The following MYO5B variants were observed in gnomAD, a reference collection of about 807,000 sequenced individuals.
MYO5B encodes unconventional myosin-Vb.
In MYO5B, 143 loss-of-function variants were observed where a neutral mutation model predicts 229.3. The ratio of observed to expected loss-of-function variants is 0.62; its 90% confidence interval spans 0.54 to 0.72. MYO5B has a LOEUF of 0.72. Among genes scored for constraint, MYO5B ranks in the 30% least tolerant of loss-of-function variants. The pLI, the probability that MYO5B is intolerant of heterozygous loss-of-function variation, is 0.00. For synonymous variants in MYO5B, 918 were observed against 885.2 expected (o/e 1.04, Z -0.66); for missense variants, 2,321 against 2,331.0 (o/e 1.00, Z 0.09).
rs958856415 is a variant in MYO5B, at chr18:50,195,011, G to A, written c.-218C>T. On this transcript the variant is annotated 5_prime_UTR_variant, in exon 1 of 40. Coordinates refer to ENST00000285039, the MANE Select transcript of MYO5B (RefSeq NM_001080467.3). ...CCGCCGCGGCGGCGCAGCTACGGCC[G>A]GACAGGAGTTGCGAGCGCCGGGGGA... 2 of 546,844 alleles carry A rather than the reference G, an allele frequency of 3.7e-6. No individual in the cohort carries two copies. Among genetic ancestry groups the A allele is most frequent in the Non-Finnish European group, 5.4e-6 (2 of 373,772 alleles). 33.9% of individuals were successfully genotyped at this position (546,844 alleles called of 1,614,324 possible).
At chr18:50,124,434 A>G (rs1461936692) in intron 1 of MYO5B, among the ~76,000 whole-genome samples, 1 of 152,166 alleles carries the variant, frequency 6.6e-6, no homozygotes, top group African/African-American at 2.4e-5. Flanking sequence ...GGGTAGCGGC[A>G]TTCCTATTAT....
At chr18:49,854,513 T>C (rs1322870893) in intron 30 of MYO5B, among the ~76,000 whole-genome samples, 1 of 152,230 alleles carries the variant, frequency 6.6e-6, no homozygotes, top group African/African-American at 2.4e-5. Context: ...TTCTTGGACT[T>C]AGTTACTTAA....
intron 2 of MYO5B, among the ~76,000 whole-genome samples, chr18:50,050,918 C>T (rs1397842862): frequency 6.6e-6 from 1 of 152,208 alleles, no homozygotes; most frequent in Non-Finnish European, 1.5e-5. Context: ...GCATCCAAGT[C>T]CTTGCTTCTC....
At chr18:50,002,115 G>T (rs961537202) in intron 4 of MYO5B, among the ~76,000 whole-genome samples, 1 of 150,656 alleles carries the variant, frequency 6.6e-6, no homozygotes, top group Non-Finnish European at 1.5e-5. Flanking sequence ...TTCCCATCTT[G>T]TGTCACTGTA....
At chr18:49,888,458 C>G (rs1555640294) in intron 22 of MYO5B, among the ~76,000 whole-genome samples, 2 of 152,084 alleles carry the variant, frequency 1.3e-5, no homozygotes, top group Non-Finnish European at 2.9e-5. Context: ...ATGTCTCAGG[C>G]AGCTGAGGGC....
intron 31 of MYO5B, among the ~76,000 whole-genome samples, chr18:49,851,538 T>C (rs1213304886): frequency 6.6e-6 from 1 of 152,214 alleles, no homozygotes; most frequent in Non-Finnish European, 1.5e-5. Context: ...CCCAAAGTCC[T>C]AAAGCCTAAA....
chr18:49,951,472 C>A (rs375351498), intron 14 of MYO5B, among the ~76,000 whole-genome samples: 1 of 152,080 alleles, frequency 6.6e-6, no homozygotes, highest in South Asian at 2.1e-4. Context: ...CCACTATATA[C>A]TACACAAATA....
intron 1 of MYO5B, among the ~76,000 whole-genome samples, chr18:50,082,687 G>C (rs1349474396): frequency 6.6e-6 from 1 of 152,144 alleles, no homozygotes; most frequent in Non-Finnish European, 1.5e-5. Context: ...CCTCCTAGGA[G>C]CTAAGACCAT....
chr18:50,176,480 G>C (rs955866343), intron 1 of MYO5B, among the ~76,000 whole-genome samples: 5 of 152,154 alleles, frequency 3.3e-5, no homozygotes, highest in Non-Finnish European at 2.9e-5. Flanking sequence ...ATGCATCCAT[G>C]AGCCAGATGT....
At position 50,036,787 on chromosome 18, in the gene MYO5B, T is replaced by C. The variant is rs73444770; in HGVS notation, c.455+63A>G. On this transcript the variant is annotated intron_variant, in intron 4 of 39. Coordinates refer to ENST00000285039, the MANE Select transcript of MYO5B (RefSeq NM_001080467.3). ...TGTGAGCATCAGTTGCAGAGGAAGGTAAAAACTCCCCTTCCTGCCCACTGA... is the reference window on the plus strand; with the variant it reads ...TGTGAGCATCAGTTGCAGAGGAAGGCAAAAACTCCCCTTCCTGCCCACTGA... 2,830 of 1,589,876 alleles carry C rather than the reference T, an allele frequency of 1.8e-3. 43 individuals carry two copies. In the African/African-American group the frequency reaches 0.033, roughly 19 times the overall value.
At chr18:50,030,843 A>C (rs2144372942) in intron 4 of MYO5B, among the ~76,000 whole-genome samples, 1 of 120,206 alleles carries the variant, frequency 8.3e-6, no homozygotes, top group African/African-American at 3.1e-5. Context: ...CTGAGCAAAT[A>C]AATTTGCTCT....
chr18:49,847,333 T>C (rs2024142378), intron 32 of MYO5B, 44 bp from the exon 33 acceptor site: 1 of 1,602,594 alleles, frequency 6.2e-7, no homozygotes, highest in Non-Finnish European at 8.5e-7. Flanking sequence ...GACTTCCAGC[T>C]GCAGGCCTGA....
rs571313956 is a variant in MYO5B, at chr18:49,968,611, A to C, written c.1323-5581T>G. ...GGCCCCCCAATAAACTTGTTTCTAG[A>C]GGCCTGGGGAGTTTCTTCAGACCCA... On this transcript the variant is annotated intron_variant, in intron 10 of 39. Coordinates refer to ENST00000285039, the MANE Select transcript of MYO5B (RefSeq NM_001080467.3). Among the ~76,000 whole-genome samples the C allele has an allele frequency of 3.6e-3, 551 of 152,216 alleles. 2 individuals carry two copies. Among genetic ancestry groups the C allele is most frequent in the African/African-American group, 0.013 (522 of 41,544 alleles).
In MYO5B at chr18:50,173,867, A is replaced by G. The variant is rs897435133; in HGVS notation, c.27+20900T>C. Among the ~76,000 whole-genome samples, 4 of 152,220 alleles carry G rather than the reference A, an allele frequency of 2.6e-5. No homozygotes were observed. In the East Asian group the frequency reaches 7.7e-4, roughly 29 times the overall value. On this transcript the variant is annotated intron_variant, in intron 1 of 39. Coordinates refer to ENST00000285039, the MANE Select transcript of MYO5B (RefSeq NM_001080467.3). ...ATTTCACTTCCTGTAATGGGTCAGC[A>G]TGATGGCAAATGTTGTGTGTCAAAC...
chr18:50,108,934 C>A (rs746844978), intron 1 of MYO5B, among the ~76,000 whole-genome samples: 1 of 152,178 alleles, frequency 6.6e-6, no homozygotes, highest in Non-Finnish European at 1.5e-5. Context: ...TACAGTTCAC[C>A]TGGCTTTGAA....
intron 1 of MYO5B, among the ~76,000 whole-genome samples, chr18:50,173,560 T>C (rs2032950078): frequency 6.6e-6 from 1 of 152,134 alleles, no homozygotes; most frequent in African/African-American, 2.4e-5. Flanking sequence ...GTTTCCATTA[T>C]GCGGGCCAGA....
At chr18:49,898,769 T>C (rs1287790973) in intron 21 of MYO5B, among the ~76,000 whole-genome samples, 2 of 152,174 alleles carry the variant, frequency 1.3e-5, no homozygotes, top group African/African-American at 4.8e-5. Flanking sequence ...GGTGCCAAAT[T>C]TGCATCTTTT....
At chr18:50,126,545 A>G (rs1007132300) in intron 1 of MYO5B, 1 of 154,916 alleles carries the variant, frequency 6.5e-6, no homozygotes, top group African/African-American at 2.4e-5. Flanking sequence ...TGAAATGTCT[A>G]CAGCAAACCC....
chr18:49,954,001 C>G (rs1346166273), intron 13 of MYO5B, among the ~76,000 whole-genome samples: 1 of 115,270 alleles, frequency 8.7e-6, no homozygotes. Context: ...TATACACAGA[C>G]ATATATGTGT....
Sources: allele counts gnomAD v4.1 joint callset (sites outside exome capture counted in the v4.1 genomes callset), GRCh38; gene constraint gnomAD v4.1.1; transcripts MANE v1.5; gene names NCBI Gene and HGNC (gene_info 2026-07-23, HGNC 2026-07-21).